The following ATXN7 variants were observed in gnomAD, a reference collection of about 807,000 sequenced individuals.
The protein encoded by ATXN7 is ataxin-7.
ATXN7 carries 12 observed loss-of-function variants against 70.5 expected under a neutral mutation model. The ratio of observed to expected loss-of-function variants is 0.17; its 90% CI spans 0.11 to 0.28. ATXN7 has a LOEUF of 0.28. Among genes scored for constraint, ATXN7 ranks in the 10% least tolerant of loss-of-function variants. ATXN7 has a pLI of 1.00. For missense variants in ATXN7, 1,256 were observed against 1,131.7 expected (o/e 1.11, Z -1.58); for synonymous variants, 498 against 448.7 (o/e 1.11, Z -1.39).
chr3:63,960,813 G>A (rs997235334), intron 5 of ATXN7, among the ~76,000 whole-genome samples: 3 of 151,770 alleles, frequency 2.0e-5, no homozygotes, highest in Non-Finnish European at 2.9e-5. Context: ...AAAGATTATA[G>A]AAGAAAATAA....
At chr3:63,914,846 C>G (rs935426631) in intron 4 of ATXN7, among the ~76,000 whole-genome samples, 4 of 152,312 alleles carry the variant, frequency 2.6e-5, no homozygotes, top group South Asian at 4.1e-4. Context: ...CTTTTATCAG[C>G]ATGTTTTTCA....
At chr3:63,935,858 G>A (rs1157863121) in intron 4 of ATXN7, among the ~76,000 whole-genome samples, 1 of 152,042 alleles carries the variant, frequency 6.6e-6, no homozygotes, top group African/African-American at 2.4e-5. Flanking sequence ...TGAGTATACA[G>A]CACAAACTAA....
chr3:63,959,800 T>TTTTATGAATGTCTGTGCC, intron 5 of ATXN7, among the ~76,000 whole-genome samples: 1 of 152,352 alleles, frequency 6.6e-6, no homozygotes, highest in African/African-American at 2.4e-5. Flanking sequence ...ATATCTGTGC[T>TTTTATGAATGTCTGTGCC]TTTATGAATG....
At chr3:63,907,026 A>G (rs868158471) in intron 2 of ATXN7, among the ~76,000 whole-genome samples, 1 of 152,276 alleles carries the variant, frequency 6.6e-6, no homozygotes, top group South Asian at 2.1e-4. Flanking sequence ...CTGATAGTAT[A>G]GCGTACATAG....
At chr3:63,876,783 A>G (rs1702758785) in intron 1 of ATXN7, among the ~76,000 whole-genome samples, 3 of 152,294 alleles carry the variant, frequency 2.0e-5, no homozygotes, top group Admixed American at 2.0e-4. Flanking sequence ...TGTAGACTGG[A>G]AAGTTTTTAT....
At chr3:63,953,659 T>C (rs1349526172) in intron 5 of ATXN7, among the ~76,000 whole-genome samples, 1 of 150,424 alleles carries the variant, frequency 6.6e-6, no homozygotes, top group South Asian at 2.1e-4. Flanking sequence ...GATACTTCTT[T>C]TTTTTTTTTT....
intron 4 of ATXN7, among the ~76,000 whole-genome samples, chr3:63,936,787 T>C (rs140594852): frequency 1.3e-5 from 2 of 152,286 alleles, no homozygotes; most frequent in East Asian, 3.9e-4. Flanking sequence ...GAGATAATGA[T>C]CTCTCCTTGA....
At chr3:63,920,652 A>G (rs1029228087) in intron 4 of ATXN7, among the ~76,000 whole-genome samples, 1 of 151,612 alleles carries the variant, frequency 6.6e-6, no homozygotes, top group East Asian at 1.9e-4. Context: ...GGTGTGTTGT[A>G]TTTAGTTGTT....
At chr3:63,866,390 A>G (rs2107188600) in intron 1 of ATXN7, among the ~76,000 whole-genome samples, 1 of 152,294 alleles carries the variant, frequency 6.6e-6, no homozygotes, top group Non-Finnish European at 1.5e-5. Context: ...AGTTGGGACT[A>G]CCGGCATGTT....
rs956950241 is a variant in ATXN7, at chr3:64,000,952, A to G, written c.*1485A>G. 6.6e-6 allele frequency: 1 copy of G among 152,128 alleles called. No homozygotes were observed. The highest frequency in any genetic ancestry group is 2.4e-5 in the African/African-American group (1 of 41,428). 9.4% of individuals were successfully genotyped at this position (152,128 alleles called of 1,614,324 possible). A position where few individuals can be genotyped will look rare whatever the true frequency, so the allele number is the denominator to read the frequency against. ...CGAGTAACAGGCACTGTTGCTTAGA[A>G]GAACACACGAAGTTGCCGAACACAG... On this transcript the variant is annotated 3_prime_UTR_variant, in exon 13 of 13. Transcript: ENST00000674280.
At chr3:63,863,452 G>A (rs546724768), upstream of ATXN7, 3 of 1,137,222 alleles carry the variant, frequency 2.6e-6, no homozygotes, top group East Asian at 1.3e-4. Flanking sequence ...GCTTCTAGCC[G>A]TCTCGGCCAC....
chr3:63,981,082 C>T (rs1293863480), intron 6 of ATXN7, among the ~76,000 whole-genome samples: 2 of 152,306 alleles, frequency 1.3e-5, no homozygotes, highest in East Asian at 3.9e-4. Context: ...GAGGGTATAG[C>T]ACACATCGTA....
chr3:63,871,950 A>G (rs1702606979), intron 1 of ATXN7, among the ~76,000 whole-genome samples: 3 of 152,000 alleles, frequency 2.0e-5, no homozygotes, highest in South Asian at 4.2e-4. Flanking sequence ...TTCAAATTCA[A>G]CTCACCTTTA....
At chr3:63,892,932 AAAGGAGTTC>A in intron 1 of ATXN7, among the ~76,000 whole-genome samples, 1 of 152,314 alleles carries the variant, frequency 6.6e-6, no homozygotes, top group East Asian at 1.9e-4. Context: ...GGAAAGTAAG[AAAGGAGTTC>A]AAGGAGGCAT....
At chr3:63,935,218 T>TA (rs1168318041) in intron 4 of ATXN7, among the ~76,000 whole-genome samples, 3 of 152,166 alleles carry the variant, frequency 2.0e-5, no homozygotes, top group African/African-American at 4.8e-5. Context: ...GGAGATCACT[T>TA]ACGGCGATTC....
intron 10 of ATXN7, 112 bp downstream of exon 10, chr3:63,990,486 G>A (rs1456009618): frequency 2.0e-5 from 28 of 1,373,708 alleles, no homozygotes; most frequent in Non-Finnish European, 2.7e-5. Context: ...ACGCGGTCAA[G>A]GTGTGAGAGA....
At chr3:63,925,375 G>A (rs973510340) in intron 4 of ATXN7, among the ~76,000 whole-genome samples, 29 of 152,294 alleles carry the variant, frequency 1.9e-4, no homozygotes, top group African/African-American at 6.5e-4. Flanking sequence ...CACAGCAGGA[G>A]GTAAGTGGGG....
chr3:63,930,041 A>G (rs943560146), intron 4 of ATXN7, among the ~76,000 whole-genome samples: 1 of 152,174 alleles, frequency 6.6e-6, no homozygotes, highest in Non-Finnish European at 1.5e-5. Context: ...TTTGGCAGGA[A>G]TCTAGGGTTT....
At position 63,996,016 on chromosome 3, in the gene ATXN7, G is replaced by A. The variant is rs2075753302; in HGVS notation, c.2194G>A (p.Glu732Lys). 1 of 1,614,074 alleles carries A rather than the reference G, an allele frequency of 6.2e-7. No individual in the cohort carries two copies. Among genetic ancestry groups the A allele is most frequent in the Non-Finnish European group, 8.5e-7 (1 of 1,180,010 alleles). Residue 732 changes from glutamate to lysine, a missense_variant, in exon 12 of 13, where the codon GAG (glutamate) becomes AAG (lysine). Glu to Lys is a moderately conservative substitution (Grantham distance 56). Transcript: ENST00000674280. The stretch of plus-strand genomic sequence containing the variant: ...CTCCTCCTCTTCTTCTCATTCCATG[G>A]AGTCTTTTAGGAAAAACTGTGTGGC... ...SSSSSSSHSM[E>K]SFRKNCVAHS...
Sources: allele counts gnomAD v4.1 joint callset (sites outside exome capture counted in the v4.1 genomes callset), GRCh38; gene constraint gnomAD v4.1.1; transcripts MANE v1.5; gene names NCBI Gene and HGNC (gene_info 2026-07-23, HGNC 2026-07-21).